The following ANKRD50 variants were observed in gnomAD, a reference collection of about 807,000 sequenced individuals.
The protein encoded by ANKRD50 is ankyrin repeat domain-containing protein 50.
ANKRD50 carries 40 observed loss-of-function variants against 112.0 expected under a neutral mutation model. The observed-to-expected ratio is 0.36, with a 90% CI of 0.28 to 0.46. The LOEUF (loss-of-function observed/expected upper bound fraction) is 0.46, where lower values mean the gene tolerates loss of function less well. Ranked by LOEUF, ANKRD50 falls within the 20% of genes least tolerant of loss-of-function variation. The pLI is 1.00. For missense variants in ANKRD50, 1,487 were observed against 1,701.7 expected, an observed-to-expected ratio of 0.87 and a Z score of 2.22; for synonymous variants, 613 against 619.1, an observed-to-expected ratio of 0.99 and a Z score of 0.15.
intron 1 of ANKRD50, among the ~76,000 whole-genome samples, chr4:124,711,676 ACTC>A (rs1404314490): frequency 6.6e-6 from 1 of 151,692 alleles, no homozygotes; most frequent in Non-Finnish European, 1.5e-5. Flanking sequence ...AGGACTGTCT[ACTC>A]CTCCAGCCAC....
intron 2 of ANKRD50, among the ~76,000 whole-genome samples, chr4:124,705,778 C>T (rs1031005988): frequency 2.0e-5 from 3 of 152,058 alleles, no homozygotes; most frequent in Non-Finnish European, 4.4e-5. Context: ...AACACTAACT[C>T]TAGAAAAGAC....
chr4:124,708,556 A>C (rs1440952032), intron 2 of ANKRD50, among the ~76,000 whole-genome samples: 1 of 151,968 alleles, frequency 6.6e-6, no homozygotes, highest in African/African-American at 2.4e-5. Flanking sequence ...CTCTATCACT[A>C]TATGGGTAAT....
intron 3 of ANKRD50, among the ~76,000 whole-genome samples, chr4:124,674,042 T>C (rs1411987921): frequency 6.6e-6 from 1 of 152,000 alleles, no homozygotes; most frequent in East Asian, 1.9e-4. Flanking sequence ...TATTTACCAA[T>C]GATGTGAGAT....
chr4:124,689,614 G>T (rs1725085704), intron 2 of ANKRD50, among the ~76,000 whole-genome samples: 1 of 152,112 alleles, frequency 6.6e-6, no homozygotes, highest in African/African-American at 2.4e-5. Context: ...TTCTGCCTTT[G>T]GACCTGAAAA....
chr4:124,683,893 A>T (rs1724947918), intron 2 of ANKRD50, among the ~76,000 whole-genome samples: 1 of 137,954 alleles, frequency 7.2e-6, no homozygotes, highest in African/African-American at 2.7e-5. Context: ...TTATATAGAT[A>T]ATACATCAGT....
At chr4:124,681,048 T>C (rs1196276499) in intron 2 of ANKRD50, among the ~76,000 whole-genome samples, 2 of 152,170 alleles carry the variant, frequency 1.3e-5, no homozygotes, top group African/African-American at 4.8e-5. Context: ...ATGTTTATAC[T>C]GGAGTTTAGA....
intron 3 of ANKRD50, among the ~76,000 whole-genome samples, chr4:124,676,549 T>A (rs989129299): frequency 6.6e-6 from 1 of 151,448 alleles, no homozygotes; most frequent in Non-Finnish European, 1.5e-5. Flanking sequence ...TGAAAAAAAA[T>A]CACCAAGTAA....
intron 2 of ANKRD50, among the ~76,000 whole-genome samples, chr4:124,682,209 G>A (rs954716947): frequency 5.3e-5 from 8 of 151,552 alleles, no homozygotes; most frequent in Non-Finnish European, 1.2e-4. Flanking sequence ...CCAGCTCCTT[G>A]GGAGGCTGAG....
At chr4:124,681,244 C>A (rs559661013) in intron 2 of ANKRD50, among the ~76,000 whole-genome samples, 18 of 152,174 alleles carry the variant, frequency 1.2e-4, no homozygotes, top group Non-Finnish European at 2.6e-4. Flanking sequence ...TTCACACATC[C>A]ATTAACTCAT....
Position 124,670,314 on chromosome 4 carries a change from CAACAAGACACATGAAGTGCTGTCCT to C in ANKRD50, c.2938_2962del (p.Arg980GlyfsTer11). 1 of 1,613,944 alleles carries C rather than the reference CAACAAGACACATGAAGTGCTGTCCT, an allele frequency of 6.2e-7. No homozygotes were observed. Among genetic ancestry groups the C allele is most frequent in the Non-Finnish European group, 8.5e-7 (1 of 1,179,892 alleles). On this transcript the variant is annotated frameshift_variant, in exon 4 of 5. Coordinates refer to ENST00000504087, the MANE Select transcript of ANKRD50 (RefSeq NM_020337.3). LOFTEE classifies it high-confidence loss of function. ...CTGCACCATTTCCATATGGCCTTGC[CAACAAGACACATGAAGTGCTGTCCT>C]TCCTTCAGCATCACTTGCTTCTACG...
rs183349957 is a variant in ANKRD50 at position 124,691,587 on chromosome 4, T to G, written c.513-12682A>C. 3.8e-3 allele frequency among the ~76,000 whole-genome samples: 577 copies of G among 152,102 alleles called. 13 individuals carry two copies. The highest frequency in any genetic ancestry group is 7.3e-3 in the East Asian group (38 of 5,176). On this transcript the variant is annotated intron_variant, in intron 2 of 4. Transcript: ENST00000504087. ...ACTAAAGTTCAATAAATTATTTTTTTGGGTTATGATCAGCGTAACATTAGT... is the reference window on the plus strand; with the variant it reads ...ACTAAAGTTCAATAAATTATTTTTTGGGGTTATGATCAGCGTAACATTAGT...
intron 2 of ANKRD50, among the ~76,000 whole-genome samples, chr4:124,707,955 T>C (rs567679826): frequency 3.3e-5 from 5 of 152,306 alleles, no homozygotes; most frequent in African/African-American, 9.6e-5. Context: ...ACATGATTTT[T>C]AAACATTCAA....
chr4:124,677,339 T>C (rs991332494), intron 3 of ANKRD50, among the ~76,000 whole-genome samples: 1 of 151,860 alleles, frequency 6.6e-6, no homozygotes, highest in African/African-American at 2.4e-5. Flanking sequence ...AATATGTTCA[T>C]GAAGCATTTT....
chr4:124,677,157 A>T (rs1019421476), intron 3 of ANKRD50, among the ~76,000 whole-genome samples: 3 of 151,780 alleles, frequency 2.0e-5, no homozygotes, highest in Non-Finnish European at 4.4e-5. Flanking sequence ...TCTACCATGA[A>T]CAGAGTGGTG....
rs1175432772 is a variant in ANKRD50 at position 124,672,391 on chromosome 4, G to C, written c.886C>G (p.His296Asp). ...KETAEMLNQL[H>D]IKSSGCFLYL... ...AGAAAGCATCCACTGCTTTTAATGT[G>C]CAGTTGATTTAACATCTCTGCAGTT... Residue 296 changes from histidine to aspartate, a missense_variant, in exon 4 of 5, where the codon CAC (histidine) becomes GAC (aspartate). Coordinates refer to ENST00000504087, the MANE Select transcript of ANKRD50 (RefSeq NM_020337.3). The C allele has an allele frequency of 6.2e-7, 1 of 1,613,112 alleles. No individual in the cohort carries two copies. The highest frequency in any genetic ancestry group is 1.7e-5 in the Admixed American group (1 of 59,820).
chr4:124,672,862 T>C (rs894891209), intron 3 of ANKRD50, among the ~76,000 whole-genome samples: 1 of 152,014 alleles, frequency 6.6e-6, no homozygotes, highest in African/African-American at 2.4e-5. Flanking sequence ...GTTAACATCA[T>C]CTGAACTCCC....
rs1042862475 is a variant in ANKRD50, at chr4:124,683,975, T to C, written c.513-5070A>G. On this transcript the variant is annotated intron_variant, in intron 2 of 4. Coordinates refer to ENST00000504087, the MANE Select transcript of ANKRD50 (RefSeq NM_020337.3). ...TTTCTAAGGGGATTCCCCAGTTCAG[T>C]GACAATAAGAAAAGATTTTTGCTAT... is the stretch of plus-strand genomic sequence containing the variant. 3.0e-4 allele frequency among the ~76,000 whole-genome samples: 45 copies of C among 149,336 alleles called. 1 individual carries two copies. Among genetic ancestry groups the C allele is most frequent in the Admixed American group, 1.4e-3 (21 of 14,734 alleles).
At chr4:124,701,381 G>T (rs1355156337) in intron 2 of ANKRD50, among the ~76,000 whole-genome samples, 1 of 152,066 alleles carries the variant, frequency 6.6e-6, no homozygotes, top group Non-Finnish European at 1.5e-5. Context: ...ACCATAAAAG[G>T]CTACCAGTTT....
Position 124,670,671 on chromosome 4 carries a change from T to C in ANKRD50, c.2606A>G (p.Gln869Arg). The C allele has an allele frequency of 1.2e-6, 2 of 1,613,240 alleles. No homozygotes were observed. Among genetic ancestry groups the C allele is most frequent in the Non-Finnish European group, 1.7e-6 (2 of 1,179,730 alleles). ...HRLICEALIE[Q>R]GARTNEIDND... ...GTCAATCTCATTTGTTCTAGCACCTTGTTCAATAAGTGCTTCACATATCAA... is the reference window on the plus strand; with the variant it reads ...GTCAATCTCATTTGTTCTAGCACCTCGTTCAATAAGTGCTTCACATATCAA... The change falls in exon 4 of 5, where the codon CAA (glutamine) becomes CGA (arginine). Residue 869 changes from glutamine to arginine, a missense_variant. Physicochemically the swap from Gln to Arg is conservative, Grantham distance 43 (BLOSUM62 1). Around this residue, in one of 2 missense-constraint regions of ANKRD50, gnomAD observed 1,046 missense variants for 1,269.5 expected, o/e 0.82. Coordinates refer to ENST00000504087, the MANE Select transcript of ANKRD50 (RefSeq NM_020337.3).
Sources: allele counts gnomAD v4.1 joint callset (sites outside exome capture counted in the v4.1 genomes callset), GRCh38; gene constraint gnomAD v4.1.1; regional missense constraint gnomAD v4.1.1; transcripts MANE v1.5; gene names NCBI Gene and HGNC (gene_info 2026-07-23, HGNC 2026-07-21).